The following KIF5B variants were observed in gnomAD, a reference collection of about 807,000 sequenced individuals.
KIF5B encodes the protein kinesin-1 heavy chain.
A neutral mutation model predicts 132.8 loss-of-function variants in KIF5B; 49 were observed. That is an observed-to-expected ratio of 0.37 (90% CI 0.29 to 0.47). The LOEUF (loss-of-function observed/expected upper bound fraction) is 0.47, where lower values mean the gene tolerates loss of function less well. Ranked by LOEUF, KIF5B falls within the 20% of genes least tolerant of loss-of-function variation. The pLI, the probability that KIF5B is intolerant of heterozygous loss-of-function variation, is 1.00. For synonymous variants in KIF5B, 355 were observed against 369.4 expected, an observed-to-expected ratio of 0.96 and a Z score of 0.45; for missense variants, 780 against 1,144.0, an observed-to-expected ratio of 0.68 and a Z score of 4.59.
chr10:32,045,021 T>G (rs180783260), intron 2 of KIF5B, among the ~76,000 whole-genome samples: 1 of 152,160 alleles, frequency 6.6e-6, no homozygotes, highest in African/African-American at 2.4e-5. Context: ...CTGCAAATAG[T>G]AATAAAACAG....
At chr10:32,018,684 G>C in intron 20 of KIF5B, 122 bp from the exon 21 acceptor site, 1 of 734,968 alleles carries the variant, frequency 1.4e-6, no homozygotes, top group East Asian at 3.0e-5. Flanking sequence ...ATAAATACAA[G>C]ATGCCTATTT....
At chr10:32,017,862 T>C (rs551675816) in intron 23 of KIF5B, among the ~76,000 whole-genome samples, 190 bp downstream of exon 23, 1 of 152,334 alleles carries the variant, frequency 6.6e-6, no homozygotes, top group African/African-American at 2.4e-5. Flanking sequence ...ACTGCCTCTT[T>C]TGATAATAAC....
chr10:32,026,437 CAAA>C (rs71027049), intron 15 of KIF5B, among the ~76,000 whole-genome samples: 27 of 48,928 alleles, frequency 5.5e-4, no homozygotes, highest in Admixed American at 1.5e-3. Flanking sequence ...GATTCCGTCT[CAAA>C]AAAAAAAAAA....
At chr10:32,033,767 T>A (rs1253129430) in intron 12 of KIF5B, 78 bp downstream of exon 12, 2 of 957,498 alleles carry the variant, frequency 2.1e-6, no homozygotes, top group Admixed American at 2.6e-5. Flanking sequence ...AGCACTGAAA[T>A]GAGAAAAGTT....
intron 13 of KIF5B, among the ~76,000 whole-genome samples, chr10:32,032,388 CA>C (rs1294918728): frequency 2.0e-5 from 3 of 151,834 alleles, no homozygotes; most frequent in African/African-American, 7.3e-5. Flanking sequence ...ACCACCCCCA[CA>C]AAAAAATTTA....
At chr10:32,041,569 C>T (rs1841539909) in intron 2 of KIF5B, among the ~76,000 whole-genome samples, 1 of 152,196 alleles carries the variant, frequency 6.6e-6, no homozygotes, top group Non-Finnish European at 1.5e-5. Flanking sequence ...TCCTCTTTAT[C>T]CTACCCACAA....
chr10:32,018,678 A>T (rs907056030), intron 20 of KIF5B, 116 bp from the exon 21 acceptor site: 9 of 784,364 alleles, frequency 1.1e-5, no homozygotes, highest in Non-Finnish European at 1.8e-5. Flanking sequence ...ATTTAAATAA[A>T]TACAAGATGC....
intron 1 of KIF5B, among the ~76,000 whole-genome samples, chr10:32,054,888 T>G (rs1409768597): frequency 6.6e-6 from 1 of 152,178 alleles, no homozygotes; most frequent in East Asian, 1.9e-4. Context: ...CTAGTTATGT[T>G]TTTCATTACA....
In KIF5B at chr10:32,019,916, C is replaced by G. The variant is rs369654017; in HGVS notation, c.2248G>C (p.Glu750Gln). 6.2e-7 allele frequency: 1 copy of G among 1,612,616 alleles called. No homozygotes were observed. Among genetic ancestry groups the G allele is most frequent in the South Asian group, 1.1e-5 (1 of 90,700 alleles). Reference sequence around the variant, plus strand: ...TCTGTGGCTTTCAACTTCTCATGTTCTACTCTTAGACGTTCCTGCTCTAAC... The same window carrying G: ...TCTGTGGCTTTCAACTTCTCATGTTGTACTCTTAGACGTTCCTGCTCTAAC... The part of the protein sequence containing the change: ...MMLEQERLRV[E>Q]HEKLKATDQE... The change falls in exon 20 of 26, where the codon GAA (glutamate) becomes CAA (glutamine). Residue 750 changes from glutamate to glutamine, a missense_variant. By Grantham distance (29) the Glu-to-Gln change is conservative. Around this residue, in one of 9 missense-constraint regions of KIF5B, gnomAD observed 471 missense variants for 569.9 expected, o/e 0.83. Coordinates refer to ENST00000302418, the MANE Select transcript of KIF5B (RefSeq NM_004521.3).
chr10:32,016,855 C>T (rs955488155), intron 24 of KIF5B, among the ~76,000 whole-genome samples: 2 of 152,202 alleles, frequency 1.3e-5, no homozygotes, highest in Non-Finnish European at 2.9e-5. Flanking sequence ...TATTCTTAAA[C>T]GTTAAATCAT....
At chr10:32,028,636 A>G (rs1174161575) in intron 14 of KIF5B, 65 bp from the exon 15 acceptor site, 2 of 1,385,756 alleles carry the variant, frequency 1.4e-6, no homozygotes, top group African/African-American at 1.4e-5. Context: ...TCAAATACTC[A>G]TCGGTGTTTC....
intron 2 of KIF5B, 73 bp downstream of exon 2, chr10:32,048,391 G>A (rs1841642973): frequency 3.1e-6 from 3 of 970,862 alleles, no homozygotes; most frequent in Non-Finnish European, 4.7e-6. Context: ...AAAAAAGGAA[G>A]CTGAGTAAGT....
At chr10:32,044,249 G>T (rs951523704) in intron 2 of KIF5B, among the ~76,000 whole-genome samples, 2 of 152,222 alleles carry the variant, frequency 1.3e-5, no homozygotes, top group South Asian at 2.1e-4. Context: ...AGAAGAAAGA[G>T]ATTATGATAG....
At chr10:32,017,414 A>C in intron 23 of KIF5B, 55 bp from the exon 24 acceptor site, 1 of 1,343,758 alleles carries the variant, frequency 7.4e-7, no homozygotes, top group Non-Finnish European at 1.0e-6. Flanking sequence ...GACTTGAAAA[A>C]GTATGAGCAT....
At chr10:32,030,426 G>C (rs1239222731) in intron 14 of KIF5B, among the ~76,000 whole-genome samples, 15 of 151,274 alleles carry the variant, frequency 9.9e-5, no homozygotes, top group Admixed American at 9.9e-4. Flanking sequence ...TGAGGCAGGA[G>C]AATCATTGAA....
intron 13 of KIF5B, among the ~76,000 whole-genome samples, chr10:32,031,558 C>A (rs1841402568): frequency 1.3e-5 from 2 of 151,954 alleles, no homozygotes; most frequent in Non-Finnish European, 2.9e-5. Flanking sequence ...AAGGTCAGAA[C>A]CATAAGAGAG....
chr10:32,036,010 C>A lies in KIF5B; in HGVS notation c.712-16G>T. On this transcript the variant is annotated splice_polypyrimidine_tract_variant and intron_variant, in intron 8 of 25. Coordinates refer to ENST00000302418, the MANE Select transcript of KIF5B (RefSeq NM_004521.3). ...TTTTACTAACCTATACATAAGATTT[C>A]AAAAGAATGAAACAAAATTACAAGT... 1.3e-6 allele frequency: 2 copies of A among 1,486,434 alleles called. No individual in the cohort carries two copies. Among genetic ancestry groups the A allele is most frequent in the South Asian group, 1.3e-5 (1 of 77,032 alleles). The allele number at this position is 1,486,434 out of a possible 1,614,324, so 92.1% of individuals were successfully genotyped here.
intron 25 of KIF5B, 67 bp downstream of exon 25, chr10:32,015,442 C>T (rs756563235): frequency 7.9e-7 from 1 of 1,273,450 alleles, no homozygotes; most frequent in Non-Finnish European, 1.1e-6. Context: ...TTTTTTAAAA[C>T]CAAAAAACCT....
rs747710662 is a variant in KIF5B, at chr10:32,022,194, A to G, written c.1978T>C (p.Leu660=). 4.3e-6 allele frequency: 7 copies of G among 1,613,478 alleles called. No individual in the cohort carries two copies. Among genetic ancestry groups the G allele is most frequent in the African/African-American group, 4.0e-5 (3 of 74,916 alleles). Residue 660 remains leucine, a synonymous_variant, in exon 17 of 26, where the codon TTG becomes CTG. Coordinates refer to ENST00000302418, the MANE Select transcript of KIF5B (RefSeq NM_004521.3). ...CTGAGGGCATCGACAGATTCCTCCA[A>G]CTGTCTTTTCTTTTGTTCCACATTT... The part of the protein sequence containing the change: ...LQNVEQKKRQ[L]EESVDALSEE...
Sources: allele counts gnomAD v4.1 joint callset (sites outside exome capture counted in the v4.1 genomes callset), GRCh38; gene constraint gnomAD v4.1.1; regional missense constraint gnomAD v4.1.1; transcripts MANE v1.5; gene names NCBI Gene and HGNC (gene_info 2026-07-23, HGNC 2026-07-21).